Variants in WDR62 observed in about 807,000 individuals in gnomAD.
WDR62 encodes WD repeat-containing protein 62.
In WDR62, 112 loss-of-function variants were observed where a neutral mutation model predicts 160.6. The ratio of observed to expected loss-of-function variants is 0.70; its 90% CI spans 0.60 to 0.82. The LOEUF (loss-of-function observed/expected upper bound fraction) is 0.82. Among genes scored for constraint, WDR62 ranks in the 40% least tolerant of loss-of-function variants. The pLI is 0.00. For synonymous variants in WDR62, 792 were observed against 815.1 expected, an observed-to-expected ratio of 0.97 and a Z score of 0.48; for missense variants, 1,819 against 1,983.8, an observed-to-expected ratio of 0.92 and a Z score of 1.58.
At chr19:36,068,235 G>GC (rs1971050222) in intron 7 of WDR62, among the ~76,000 whole-genome samples, 1 of 152,226 alleles carries the variant, frequency 6.6e-6, no homozygotes, top group East Asian at 1.9e-4. Context: ...AAGGCAGTGA[G>GC]CACGGTGCTT....
intron 1 of WDR62, among the ~76,000 whole-genome samples, chr19:36,056,323 C>T (rs926929727): frequency 6.6e-6 from 1 of 152,210 alleles, no homozygotes; most frequent in Non-Finnish European, 1.5e-5. Context: ...TGTGATTATA[C>T]CGCCCACTCC....
At chr19:36,078,400 G>A (rs1267554607) in intron 9 of WDR62, among the ~76,000 whole-genome samples, 5 of 150,072 alleles carry the variant, frequency 3.3e-5, no homozygotes, top group East Asian at 2.0e-4. Flanking sequence ...TGCCCACCTC[G>A]GCCTCCCAAA....
rs746928502 is a variant in WDR62, at chr19:36,097,009, G to T, written c.2468-18G>T. The T allele has an allele frequency of 3.7e-6, 6 of 1,607,838 alleles. No homozygotes were observed. The South Asian group carries it at 6.7e-5, about 18-fold the overall frequency. On this transcript the variant is annotated intron_variant, in intron 20 of 31. Coordinates refer to ENST00000401500, the MANE Select transcript of WDR62 (RefSeq NM_001083961.2). ...TTGGGTTGTTTGTCCTCTTTTCATGGATTCTGTGTCTTTCCAGATCCTCGT... is the reference window on the plus strand; with the variant it reads ...TTGGGTTGTTTGTCCTCTTTTCATGTATTCTGTGTCTTTCCAGATCCTCGT...
At chr19:36,094,293 C>T in intron 20 of WDR62, 129 bp downstream of exon 20, 5 of 1,215,212 alleles carry the variant, frequency 4.1e-6, no homozygotes, top group Non-Finnish European at 5.9e-6. Context: ...GTGGCTGATA[C>T]CTGTAATCCC....
intron 25 of WDR62, 83 bp from the exon 26 acceptor site, chr19:36,101,931 G>A (rs1973371165): frequency 1.2e-6 from 2 of 1,602,272 alleles, no homozygotes; most frequent in East Asian, 4.5e-5. Context: ...GGGATGGGTG[G>A]GGCCCGCTTT....
intron 27 of WDR62, 47 bp downstream of exon 27, chr19:36,102,898 C>A: frequency 6.2e-7 from 1 of 1,614,132 alleles, no homozygotes; most frequent in Non-Finnish European, 8.5e-7. Flanking sequence ...CTCAACAGTG[C>A]CCCAGGGCAG....
intron 1 of WDR62, among the ~76,000 whole-genome samples, chr19:36,056,529 A>C (rs1190819199): frequency 6.6e-6 from 1 of 152,154 alleles, no homozygotes; most frequent in Admixed American, 6.6e-5. Context: ...TCTCAGCCTG[A>C]ATGTCGCTAT....
intron 12 of WDR62, 44 bp downstream of exon 12, chr19:36,084,788 AGCCCCCCTGGCAGG>A: frequency 1.3e-6 from 2 of 1,576,778 alleles, no homozygotes; most frequent in Non-Finnish European, 1.7e-6. Context: ...GCAGGGAGGC[AGCCCCCCTGGCAGG>A]GCCACAGAAA....
At chr19:36,069,070 G>A (rs551311234) in intron 7 of WDR62, among the ~76,000 whole-genome samples, 21 of 151,398 alleles carry the variant, frequency 1.4e-4, no homozygotes, top group African/African-American at 2.2e-4. Flanking sequence ...CTGGCCGGGC[G>A]GGGGCTAACC....
rs150624399 is a variant in WDR62, at chr19:36,103,639, G to T, written c.3811G>T (p.Ala1271Ser). 2.5e-6 allele frequency: 4 copies of T among 1,609,140 alleles called. No individual in the cohort carries two copies. Among genetic ancestry groups the T allele is most frequent in the East Asian group, 2.2e-5 (1 of 44,760 alleles). Reference sequence around the variant, plus strand: ...CCAGGAGCTTCAGGCCATCACCACCGCGACAACACCCAGTTTGGACAGTGA... The same window carrying T: ...CCAGGAGCTTCAGGCCATCACCACCTCGACAACACCCAGTTTGGACAGTGA... ...LGQELQAITT[A>S]TTPSLDSEGQ... is the part of the protein sequence containing the mutation. Residue 1271 changes from alanine to serine, a missense_variant, in exon 30 of 32, where the codon GCG (alanine) becomes TCG (serine). Transcript: ENST00000401500.
chr19:36,058,040 A>C (rs928016744), intron 1 of WDR62, among the ~76,000 whole-genome samples: 1 of 152,202 alleles, frequency 6.6e-6, no homozygotes, highest in Non-Finnish European at 1.5e-5. Context: ...GGGAGGATTC[A>C]AGTCTTTTAT....
intron 13 of WDR62, among the ~76,000 whole-genome samples, chr19:36,088,245 C>T (rs1036614838): frequency 5.3e-5 from 8 of 152,078 alleles, no homozygotes; most frequent in Admixed American, 3.9e-4. Flanking sequence ...AGAAATGAGA[C>T]GGCCGGGGGC....
chr19:36,060,299 A>G (rs1970581735), intron 3 of WDR62: 2 of 505,708 alleles, frequency 4.0e-6, no homozygotes, highest in East Asian at 6.7e-5. Context: ...CTATGGAGGA[A>G]ATGATGGAGG....
downstream of WDR62, among the ~76,000 whole-genome samples, chr19:36,106,843 G>A (rs1461860208): frequency 6.6e-6 from 1 of 152,158 alleles, no homozygotes; most frequent in Non-Finnish European, 1.5e-5. Flanking sequence ...ATGTTTGGGG[G>A]ATATCCAGTG....
chr19:36,070,560 G>C (rs959636939), intron 7 of WDR62: 1 of 152,250 alleles, frequency 6.6e-6, no homozygotes, highest in African/African-American at 2.4e-5. Flanking sequence ...CCGCCCGAGC[G>C]TTGTGGTTTC....
rs759265025 is a variant in WDR62, at chr19:36,084,699, C to A, written c.1597C>A (p.His533Asn). Reference sequence around the variant, plus strand: ...GGACGAGCTGGTCAAGGTGGAGGCCCATGATGCTGAGGTGCTGTGCCTGGA... The same window carrying A: ...GGACGAGCTGGTCAAGGTGGAGGCCAATGATGCTGAGGTGCTGTGCCTGGA... ...FMDELVKVEAHDAEVLCLEYS... is the reference protein window; with the variant it reads ...FMDELVKVEANDAEVLCLEYS... Residue 533 changes from histidine to asparagine, a missense_variant, in exon 12 of 32, where the codon CAT becomes AAT. Coordinates refer to ENST00000401500, the MANE Select transcript of WDR62 (RefSeq NM_001083961.2). 8.1e-6 allele frequency: 13 copies of A among 1,613,816 alleles called. No individual in the cohort carries two copies. Among genetic ancestry groups the A allele is most frequent in the Non-Finnish European group, 1.1e-5 (13 of 1,179,996 alleles).
intron 15 of WDR62, 26 bp from the exon 16 acceptor site, chr19:36,090,419 G>T (rs1392924890): frequency 1.2e-6 from 2 of 1,612,970 alleles, no homozygotes; most frequent in Admixed American, 1.7e-5. Flanking sequence ...GGCCCTGTTG[G>T]CCGCAACATG....
intron 21 of WDR62, 47 bp from the exon 22 acceptor site, chr19:36,099,352 G>T (rs769127848): frequency 6.5e-7 from 1 of 1,532,480 alleles, no homozygotes; most frequent in Non-Finnish European, 9.0e-7. Context: ...GCTCCCTGCA[G>T]TGAGTGAGCA....
chr19:36,110,952 G>A, the WDR62 span, among the ~76,000 whole-genome samples: 1 of 152,030 alleles, frequency 6.6e-6, no homozygotes, highest in Non-Finnish European at 1.5e-5. Context: ...TCTGCTTGGT[G>A]GTCCTAGTGC....
Sources: gnomAD v4.1 joint callset for allele counts (sites outside exome capture counted in the v4.1 genomes callset) on GRCh38, gnomAD v4.1.1 for gene constraint, MANE v1.5 for transcripts, NCBI Gene and HGNC (gene_info 2026-07-23, HGNC 2026-07-21) for gene names.